Variants in ADGRE2 observed in about 807,000 individuals in gnomAD.
ADGRE2 encodes the protein CD97 antigen.
Under a neutral mutation model 100.8 loss-of-function variants are expected in ADGRE2, and 83 were observed. The observed-to-expected ratio is 0.82, with a 90% CI of 0.69 to 0.99. ADGRE2 has a LOEUF of 0.99. Ranked by LOEUF, ADGRE2 falls within the 50% of genes least tolerant of loss-of-function variation. The pLI is 0.00. For synonymous variants in ADGRE2, 355 were observed against 413.0 expected, an observed-to-expected ratio of 0.86 and a Z score of 1.70; for missense variants, 814 against 1,035.7, an observed-to-expected ratio of 0.79 and a Z score of 2.94.
At chr19:14,751,386 T>G (rs1407715695) in intron 16 of ADGRE2, 50 bp downstream of exon 16, 1 of 1,395,104 alleles carries the variant, frequency 7.2e-7, no homozygotes, top group Admixed American at 1.7e-5. Context: ...GTTCTAGCAA[T>G]GGCCATGGTT....
chr19:14,729,505 T>C (rs923262355), downstream of ADGRE2, among the ~76,000 whole-genome samples: 4 of 152,156 alleles, frequency 2.6e-5, no homozygotes, highest in South Asian at 8.3e-4. Flanking sequence ...ACCACAGGCA[T>C]GCACCACCAT....
Position 14,732,775 on chromosome 19 carries a change from A to G in ADGRE2, c.*3461T>C, listed in dbSNP as rs929099468. Reference sequence around the variant, plus strand: ...TATGATTGTCTATAGCTGTTTTCATATCACAATGGAAGTTCAAGTTCAGTG... The same window carrying G: ...TATGATTGTCTATAGCTGTTTTCATGTCACAATGGAAGTTCAAGTTCAGTG... On this transcript the variant is annotated 3_prime_UTR_variant, in exon 21 of 21. Transcript: ENST00000315576. The G allele has an allele frequency of 6.6e-6, 1 of 152,246 alleles. No individual in the cohort carries two copies. The highest frequency in any genetic ancestry group is 6.5e-5 in the Admixed American group (1 of 15,286). 9.4% of individuals were successfully genotyped at this position (152,246 alleles called of 1,614,324 possible).
At position 14,733,216 on chromosome 19, in the gene ADGRE2, T is replaced by C. The variant is rs1219583826; in HGVS notation, c.*3020A>G. The C allele has an allele frequency of 1.3e-5, 2 of 152,170 alleles. No homozygotes were observed. Among genetic ancestry groups the C allele is most frequent in the Non-Finnish European group, 2.9e-5 (2 of 68,036 alleles). The allele number at this position is 152,170 out of a possible 1,614,324, so 9.4% of individuals were successfully genotyped here. A position where few individuals can be genotyped will look rare whatever the true frequency, so the allele number is the denominator to read the frequency against. ...TTGAGGATCAGGAGTGACTTGAGGG[T>C]ACTGACTGGCAGAGCAGGAGCCCCG... On this transcript the variant is annotated 3_prime_UTR_variant, in exon 21 of 21. Transcript: ENST00000315576.
chr19:14,750,698 G>T (rs1411629758), intron 16 of ADGRE2, among the ~76,000 whole-genome samples: 1 of 152,118 alleles, frequency 6.6e-6, no homozygotes, highest in Non-Finnish European at 1.5e-5. Context: ...TGAAAAATTG[G>T]AGTATCCTAA....
chr19:14,764,503 C>T lies in ADGRE2; in HGVS notation c.1014G>A (p.Glu338=), dbSNP rs1014712138. The change falls in exon 11 of 21, where the codon GAG becomes GAA. Residue 338 remains glutamate (E), a synonymous_variant. Transcript: ENST00000315576. ...TCTTGCTCAGGCCTCTGAGGACATC[C>T]TCTAGGCCATCCAGCAGGTGACTGG... The part of the protein sequence containing the change: ...CVASHLLDGL[E]DVLRGLSKNL... 4 of 1,613,032 alleles carry T rather than the reference C, an allele frequency of 2.5e-6. No homozygotes were observed. In the African/African-American group the frequency reaches 4.0e-5, roughly 16 times the overall value.
intron 13 of ADGRE2, 47 bp downstream of exon 13, chr19:14,755,607 C>A: frequency 6.5e-7 from 1 of 1,539,720 alleles, no homozygotes; most frequent in Non-Finnish European, 9.0e-7. Context: ...CAAGGCTATG[C>A]CCGGACTCAG....
intron 10 of ADGRE2, 67 bp downstream of exon 10, chr19:14,765,253 G>T (rs887233503): frequency 2.9e-5 from 46 of 1,572,066 alleles, no homozygotes; most frequent in African/African-American, 4.1e-5. Context: ...GACCCAAACT[G>T]CCCCAGGCCT....
chr19:14,758,152 A>AG (rs2043568183), intron 11 of ADGRE2, among the ~76,000 whole-genome samples: 1 of 152,220 alleles, frequency 6.6e-6, no homozygotes, highest in East Asian at 1.9e-4. Flanking sequence ...ATGCAACAAA[A>AG]GAAAAATTAG....
In ADGRE2 at chr19:14,746,240, C is replaced by T; in HGVS notation, c.2175G>A (p.Arg725=). ...CCCCTTCTCCATCTTACCTTGTGTT[C>T]CGGAGGGTGGACACTTCACTATTGA... The part of the protein sequence containing the change: ...SSLNSEVSTL[R]NTRMLAFKAT... Residue 725 remains arginine (R), a synonymous_variant, in exon 18 of 21, where the codon CGG becomes CGA. Transcript: ENST00000315576. The T allele has an allele frequency of 6.3e-7, 1 of 1,594,618 alleles. No individual in the cohort carries two copies. Among genetic ancestry groups the T allele is most frequent in the Non-Finnish European group, 8.6e-7 (1 of 1,163,034 alleles).
chr19:14,772,617 A>C, intron 4 of ADGRE2, 120 bp from the exon 5 acceptor site: 18 of 1,193,810 alleles, frequency 1.5e-5, no homozygotes, highest in East Asian at 2.6e-5. Context: ...AAAGGATCTC[A>C]AGTTGCACTG....
chr19:14,745,208 C>G (rs576598719), intron 18 of ADGRE2, among the ~76,000 whole-genome samples: 1 of 152,266 alleles, frequency 6.6e-6, no homozygotes, highest in Admixed American at 6.5e-5. Flanking sequence ...CCATGCCCGG[C>G]CTTCTTTGTG....
intron 12 of ADGRE2, 127 bp downstream of exon 12, chr19:14,756,111 C>T (rs1481342069): frequency 1.1e-5 from 9 of 821,580 alleles, no homozygotes; most frequent in African/African-American, 1.0e-4. Flanking sequence ...GCTGGACTCT[C>T]CTCTTACAGC....
At chr19:14,773,781 G>GGATTACAGGCGT (rs373986307) in intron 4 of ADGRE2, among the ~76,000 whole-genome samples, 157 bp downstream of exon 4, 2 of 150,478 alleles carry the variant, frequency 1.3e-5, no homozygotes, top group African/African-American at 4.9e-5. Flanking sequence ...CAAAGTGCTG[G>GGATTACAGGCGT]GAGCCACCAC....
At chr19:14,743,839 C>A (rs2147143026) in intron 18 of ADGRE2, 55 bp from the exon 19 acceptor site, 1 of 1,555,522 alleles carries the variant, frequency 6.4e-7, no homozygotes, top group Admixed American at 1.7e-5. Context: ...AGAATCAAGG[C>A]TATTTCATCT....
chr19:14,764,316 T>C, intron 11 of ADGRE2, 117 bp downstream of exon 11: 3 of 863,380 alleles, frequency 3.5e-6, no homozygotes, highest in Non-Finnish European at 5.6e-6. Flanking sequence ...TTATTTTAGT[T>C]TGTCGATGAG....
intron 20 of ADGRE2, among the ~76,000 whole-genome samples, chr19:14,738,669 CG>C (rs1163866537): frequency 6.6e-6 from 1 of 151,926 alleles, no homozygotes; most frequent in East Asian, 1.9e-4. Flanking sequence ...TGAGCCACTG[CG>C]CCCAGCCTGA....
chr19:14,746,988 T>G, intron 16 of ADGRE2, 26 bp from the exon 17 acceptor site: 1 of 1,272,478 alleles, frequency 7.9e-7, no homozygotes. Flanking sequence ...TTAAAAAAAA[T>G]GCATCAGTTT....
At chr19:14,750,498 A>T (rs10406147) in intron 16 of ADGRE2, among the ~76,000 whole-genome samples, 58,172 of 151,804 alleles carry the variant, frequency 0.38, 12,720 homozygotes, top group African/African-American at 0.59. Context: ...CTCCCTAAGT[A>T]CAGGAGCAAG....
In ADGRE2 at chr19:14,752,416, G is replaced by A; in HGVS notation, c.1701C>T (p.Thr567=). Residue 567 remains threonine, a synonymous_variant, in exon 15 of 21, where the codon ACC becomes ACT. Transcript: ENST00000315576. ...AGAGCTGCAGATGCAGTGAGGTGCT[G>A]GTGTTCTGGATGGCTTTACACAGGA... ...TFLLCKAIQN[T]STSLHLQLSL... is the part of the protein sequence containing the mutation. The A allele has an allele frequency of 6.2e-7, 1 of 1,602,054 alleles. No homozygotes were observed. The highest frequency in any genetic ancestry group is 1.1e-5 in the South Asian group (1 of 89,690).
Sources: allele counts gnomAD v4.1 joint callset (sites outside exome capture counted in the v4.1 genomes callset), GRCh38; gene constraint gnomAD v4.1.1; transcripts MANE v1.5; gene names NCBI Gene and HGNC (gene_info 2026-07-23, HGNC 2026-07-21).